EYS: variants seen among roughly 807,000 people sequenced by gnomAD.
The protein encoded by EYS is EGF-like photoreceptor maintenance factor.
Under a neutral mutation model 282.1 loss-of-function variants are expected in EYS, and 250 were observed. That is an observed-to-expected ratio of 0.89 (90% CI 0.80 to 0.98). EYS has a LOEUF of 0.98. Ranked by LOEUF, EYS falls within the 50% of genes least tolerant of loss-of-function variation. The probability of loss-of-function intolerance (pLI) is 0.00; values close to 1 mark genes in which losing one functional copy is unlikely to be tolerated. For missense variants in EYS, 4,016 were observed against 3,709.0 expected (o/e 1.08, Z -2.15); for synonymous variants, 1,355 against 1,282.9 (o/e 1.06, Z -1.20).
chr6:64,559,828 G>C (rs1765342446), intron 26 of EYS, among the ~76,000 whole-genome samples: 1 of 151,968 alleles, frequency 6.6e-6, no homozygotes, highest in Admixed American at 6.6e-5. Flanking sequence ...GTGTCACAGG[G>C]GTTTGTTGTA....
intron 33 of EYS, among the ~76,000 whole-genome samples, chr6:64,025,559 A>C (rs1444841223): frequency 1.3e-5 from 2 of 152,140 alleles, no homozygotes; most frequent in Admixed American, 1.3e-4. Context: ...AATGATTTCT[A>C]GTATAAACTC....
intron 29 of EYS, among the ~76,000 whole-genome samples, chr6:64,331,851 C>A (rs1039287648): frequency 6.6e-6 from 1 of 152,210 alleles, no homozygotes; most frequent in African/African-American, 2.4e-5. Flanking sequence ...AAGCCAGAGG[C>A]TACTGGTACA....
intron 11 of EYS, chr6:65,330,096 C>A (rs1301438890): frequency 6.5e-5 from 64 of 980,752 alleles, no homozygotes; most frequent in Non-Finnish European, 7.4e-5. Flanking sequence ...AAAATAATTA[C>A]TTTAGTACTT....
chr6:63,803,165 T>C (rs1437294490), intron 37 of EYS, among the ~76,000 whole-genome samples: 1 of 152,146 alleles, frequency 6.6e-6, no homozygotes. Flanking sequence ...TCTCCCTATT[T>C]GACTCTATCA....
chr6:64,470,256 G>C (rs1002686524), intron 26 of EYS, among the ~76,000 whole-genome samples: 9 of 152,110 alleles, frequency 5.9e-5, no homozygotes, highest in African/African-American at 2.2e-4. Flanking sequence ...CATGGACCCT[G>C]TGGGGCTGGA....
intron 19 of EYS, among the ~76,000 whole-genome samples, chr6:64,847,889 T>C (rs1348424747): frequency 6.6e-6 from 1 of 152,090 alleles, no homozygotes; most frequent in Admixed American, 6.6e-5. Context: ...TCAATGCTGA[T>C]TGGAAATGCC....
chr6:64,155,551 A>G (rs920455606), intron 31 of EYS, among the ~76,000 whole-genome samples: 5 of 152,136 alleles, frequency 3.3e-5, no homozygotes, highest in African/African-American at 4.8e-5. Context: ...GCTGAGCTTC[A>G]CAACGTTGGT....
intron 35 of EYS, among the ~76,000 whole-genome samples, chr6:63,907,415 A>G (rs533996817): frequency 5.9e-5 from 9 of 152,256 alleles, no homozygotes; most frequent in Non-Finnish European, 8.8e-5. Flanking sequence ...TTCAGGATCA[A>G]GGATTCCTAA....
Position 65,440,705 on chromosome 6 carries a change from G to A in EYS, c.863-35338C>T, listed in dbSNP as rs534041593. On this transcript the variant is annotated intron_variant, in intron 5 of 42. Transcript: ENST00000503581. Reference sequence around the variant, plus strand: ...ACACCATATACTTCTACACTGGAAGGTGTTTGGGATGTAGCATATAGTATC... The same window carrying A: ...ACACCATATACTTCTACACTGGAAGATGTTTGGGATGTAGCATATAGTATC... 2.6e-5 allele frequency among the ~76,000 whole-genome samples: 4 copies of A among 151,222 alleles called. No individual in the cohort carries two copies. In the South Asian group the frequency reaches 8.3e-4, roughly 31 times the overall value.
intron 12 of EYS, among the ~76,000 whole-genome samples, chr6:65,278,785 T>A (rs1768135644): frequency 6.6e-6 from 1 of 152,200 alleles, no homozygotes; most frequent in Non-Finnish European, 1.5e-5. Flanking sequence ...ATACTACATT[T>A]ACTACCACTC....
chr6:64,791,735 T>C (rs1774199187), intron 22 of EYS, among the ~76,000 whole-genome samples: 1 of 151,896 alleles, frequency 6.6e-6, no homozygotes, highest in African/African-American at 2.4e-5. Flanking sequence ...TTTAAATACC[T>C]GATTCAATGT....
chr6:64,487,094 T>TA lies in EYS; in HGVS notation c.5645-47743dup, dbSNP rs201344062. ...TAAGGTTTTCTAAACATTGGCTCAT[T>TA]AAAAAAATCATTTAGCATTTGTGTG... On this transcript the variant is annotated intron_variant, in intron 26 of 42. Transcript: ENST00000503581. 8.3e-4 allele frequency among the ~76,000 whole-genome samples: 125 copies of TA among 151,256 alleles called. 3 individuals carry two copies. The East Asian group carries it at 0.022, about 27-fold the overall frequency.
chr6:65,356,287 CTT>C, intron 8 of EYS, among the ~76,000 whole-genome samples: 1 of 151,928 alleles, frequency 6.6e-6, no homozygotes, highest in African/African-American at 2.4e-5. Flanking sequence ...TGTTTTTGTT[CTT>C]GTTTGTTTGT....
intron 34 of EYS, among the ~76,000 whole-genome samples, chr6:63,989,681 C>T (rs1767523749): frequency 6.6e-6 from 1 of 151,424 alleles, no homozygotes; most frequent in Non-Finnish European, 1.5e-5. Context: ...TCCAATCCTG[C>T]TTTTCCTCAA....
intron 1 of EYS, among the ~76,000 whole-genome samples, chr6:65,642,999 A>C (rs1767329856): frequency 6.6e-6 from 1 of 152,230 alleles, no homozygotes. Context: ...AAGAACTACC[A>C]CAGGAAAATA....
rs548693570 is a variant in EYS at position 65,510,133 on chromosome 6, C to T, written c.-332-14140G>A. 3.4e-4 allele frequency among the ~76,000 whole-genome samples: 51 copies of T among 150,756 alleles called. 2 individuals are homozygous for T. In the South Asian group the frequency reaches 7.2e-3, roughly 21 times the overall value. The stretch of plus-strand genomic sequence containing the variant: ...TGCGCTGCACCCACTAACTCGTCAT[C>T]TAGCATTAGGTATATCTCCCAATGC... On this transcript the variant is annotated intron_variant, in intron 2 of 42. Coordinates refer to ENST00000503581, the MANE Select transcript of EYS (RefSeq NM_001142800.2).
chr6:64,011,078 C>T (rs1376782628), intron 33 of EYS, among the ~76,000 whole-genome samples: 2 of 152,086 alleles, frequency 1.3e-5, no homozygotes, highest in Admixed American at 1.3e-4. Flanking sequence ...TTTTACCTTA[C>T]AGGAGATAAG....
chr6:64,444,490 T>C lies in EYS; in HGVS notation c.5645-5138A>G, dbSNP rs1162155258. On this transcript the variant is annotated intron_variant, in intron 26 of 42. Transcript: ENST00000503581. ...CTTAATATTATTAAGATATGTATTT[T>C]ATAGACTAAATTTTAAAAAATTCAG... Among the ~76,000 whole-genome samples the C allele has an allele frequency of 2.0e-5, 3 of 152,236 alleles. No homozygotes were observed. In the East Asian group the frequency reaches 5.8e-4, roughly 29 times the overall value.
chr6:64,775,879 T>C (rs917483487), intron 22 of EYS, among the ~76,000 whole-genome samples: 13 of 152,082 alleles, frequency 8.5e-5, no homozygotes, highest in Admixed American at 7.9e-4. Context: ...ATATAGCTGC[T>C]AGCTGTTTTG....
Sources: allele counts gnomAD v4.1 joint callset (sites outside exome capture counted in the v4.1 genomes callset), GRCh38; gene constraint gnomAD v4.1.1; transcripts MANE v1.5; gene names NCBI Gene and HGNC (gene_info 2026-07-23, HGNC 2026-07-21).